The following PLA2G12A variants were observed in gnomAD, a reference collection of about 807,000 sequenced individuals.
PLA2G12A encodes the protein phospholipase A2 group XIIA, also known as group XIIA secretory phospholipase A2.
Under a neutral mutation model 16.0 loss-of-function variants are expected in PLA2G12A, and 11 were observed. The observed-to-expected ratio is 0.69, with a 90% CI of 0.43 to 1.13. PLA2G12A has a LOEUF of 1.13. Among genes scored for constraint, PLA2G12A ranks in the 50% most tolerant of loss-of-function variants. The pLI is 0.00. For missense variants in PLA2G12A, 214 were observed against 237.3 expected (o/e 0.90, Z 0.65); for synonymous variants, 77 against 93.8 (o/e 0.82, Z 1.03).
At position 109,713,168 on chromosome 4, in the gene PLA2G12A, C is replaced by G. The variant is rs1730765857; in HGVS notation, c.*1209G>C. ...TGGGTCACCCAAAGGATATATATGG[C>G]TTGAGGTCCCAGGCTAGGGAAAGGT... On this transcript the variant is annotated 3_prime_UTR_variant, in exon 4 of 4. Coordinates refer to ENST00000243501, the MANE Select transcript of PLA2G12A (RefSeq NM_030821.5). 1 of 152,166 alleles carries G rather than the reference C, an allele frequency of 6.6e-6. No individual in the cohort carries two copies. 9.4% of individuals were successfully genotyped at this position (152,166 alleles called of 1,614,324 possible).
In PLA2G12A at chr4:109,729,631, T is replaced by C; in HGVS notation, c.179A>G (p.Asp60Gly). 6.2e-7 allele frequency: 1 copy of C among 1,611,902 alleles called. No individual in the cohort carries two copies. Among genetic ancestry groups the C allele is most frequent in the Non-Finnish European group, 8.5e-7 (1 of 1,179,752 alleles). Residue 60 changes from aspartate (D) to glycine (G), a missense_variant, in exon 1 of 4, where the codon GAC becomes GGC. Transcript: ENST00000243501. Reference sequence around the variant, plus strand: ...ACTGCATTTATACTGGCAGAGACCGTCCTCGCCTCCCAGGAGGTCCAAGGC... The same window carrying C: ...ACTGCATTTATACTGGCAGAGACCGCCCTCGCCTCCCAGGAGGTCCAAGGC... ...NAALDLLGGE[D>G]GLCQYKCSDG...
rs1730770459 is a variant in PLA2G12A, at chr4:109,713,393, C to G, written c.*984G>C. On this transcript the variant is annotated 3_prime_UTR_variant, in exon 4 of 4. Transcript: ENST00000243501. ...TATCTTGCCTTTTCCATCCTTTTGG[C>G]TCTAATTAAAGGCTTTTTGAAAAGC... 2 of 152,092 alleles carry G rather than the reference C, an allele frequency of 1.3e-5. No individual in the cohort carries two copies. The highest frequency in any genetic ancestry group is 2.9e-5 in the Non-Finnish European group (2 of 68,030). The allele number at this position is 152,092 out of a possible 1,614,324, so 9.4% of individuals were successfully genotyped here.
At chr4:109,722,312 T>C (rs965049829) in intron 1 of PLA2G12A, among the ~76,000 whole-genome samples, 3 of 152,234 alleles carry the variant, frequency 2.0e-5, no homozygotes, top group Non-Finnish European at 4.4e-5. Context: ...ATGTGGATGC[T>C]CTTTCTCCTG....
intron 1 of PLA2G12A, among the ~76,000 whole-genome samples, chr4:109,727,485 C>T (rs1254454644): frequency 3.9e-5 from 6 of 152,124 alleles, no homozygotes; most frequent in East Asian, 1.9e-4. Flanking sequence ...GTCCGTTAAA[C>T]GTAGAGTACT....
chr4:109,729,814 G>A lies in PLA2G12A; in HGVS notation c.-5C>T, dbSNP rs1384230142. ...GGGGCGCGAGAGCAGGGCCATGCGC[G>A]CAGCGCCGGGCTCTACGGGTCCCCG... On this transcript the variant is annotated 5_prime_UTR_variant, in exon 1 of 4. Coordinates refer to ENST00000243501, the MANE Select transcript of PLA2G12A (RefSeq NM_030821.5). The A allele has an allele frequency of 2.6e-6, 4 of 1,546,780 alleles. No individual in the cohort carries two copies. In the African/African-American group the frequency reaches 4.1e-5, roughly 16 times the overall value.
intron 1 of PLA2G12A, among the ~76,000 whole-genome samples, chr4:109,720,628 T>A (rs1365171108): frequency 2.6e-5 from 3 of 116,794 alleles, no homozygotes; most frequent in Admixed American, 9.3e-5. Flanking sequence ...TATATATATA[T>A]ATATATATAT....
In PLA2G12A at chr4:109,711,053, CTTTTTTTTTTTT is replaced by C. The variant is rs67674001; in HGVS notation, c.*3312_*3323del. On this transcript the variant is annotated 3_prime_UTR_variant, in exon 4 of 4. Coordinates refer to ENST00000243501, the MANE Select transcript of PLA2G12A (RefSeq NM_030821.5). The stretch of plus-strand genomic sequence containing the variant: ...AGAGCTGCTGACAGTTAGTTCTTGC[CTTTTTTTTTTTT>C]TTTTTTTTTTTGCTCTTTTAATGAG... 8.9e-4 allele frequency: 51 copies of C among 57,244 alleles called. 2 individuals are homozygous for C. Among genetic ancestry groups the C allele is most frequent in the African/African-American group, 4.1e-3 (49 of 11,926 alleles). The allele number at this position is 57,244 out of a possible 1,614,324, so 3.5% of individuals were successfully genotyped here. A position where few individuals can be genotyped will look rare whatever the true frequency, so the allele number is the denominator to read the frequency against.
intron 1 of PLA2G12A, among the ~76,000 whole-genome samples, chr4:109,720,949 T>C (rs965048727): frequency 8.5e-5 from 13 of 152,100 alleles, no homozygotes. Flanking sequence ...CACATGCCTG[T>C]AATCCCAGCT....
At chr4:109,715,454 TTTTA>T (rs150366202) in intron 3 of PLA2G12A, among the ~76,000 whole-genome samples, 1,966 of 150,756 alleles carry the variant, frequency 0.013, 26 homozygotes, top group African/African-American at 0.044. Context: ...GGTAGGTTTA[TTTTA>T]TTTATTTATT....
At chr4:109,727,855 G>C (rs1722972258) in intron 1 of PLA2G12A, among the ~76,000 whole-genome samples, 1 of 152,100 alleles carries the variant, frequency 6.6e-6, no homozygotes, top group Non-Finnish European at 1.5e-5. Context: ...TAACAAGGCT[G>C]GTATTCATTC....
rs1579120534 is a variant in PLA2G12A, at chr4:109,711,078, C to CTTTTTTTTTTT, written c.*3298_*3299insAAAAAAAAAAA. 4 of 43,970 alleles carry CTTTTTTTTTTT rather than the reference C, an allele frequency of 9.1e-5. No individual in the cohort carries two copies. Among genetic ancestry groups the CTTTTTTTTTTT allele is most frequent in the African/African-American group, 3.6e-4 (4 of 11,208 alleles). 2.7% of individuals were successfully genotyped at this position (43,970 alleles called of 1,614,324 possible). A position where few individuals can be genotyped will look rare whatever the true frequency, so the allele number is the denominator to read the frequency against. On this transcript the variant is annotated 3_prime_UTR_variant, in exon 4 of 4. Coordinates refer to ENST00000243501, the MANE Select transcript of PLA2G12A (RefSeq NM_030821.5). ...CTTTTTTTTTTTTTTTTTTTTTTTG[C>CTTTTTTTTTTT]TCTTTTAATGAGTTTATTCTGTCAA...
chr4:109,725,226 C>A (rs1328712665), intron 1 of PLA2G12A, among the ~76,000 whole-genome samples: 2 of 152,148 alleles, frequency 1.3e-5, no homozygotes, highest in Non-Finnish European at 2.9e-5. Flanking sequence ...CAGCAAAAAA[C>A]TGAAAACTTG....
Position 109,730,042 on chromosome 4 carries a change from T to C in PLA2G12A, c.-233A>G, listed in dbSNP as rs376346519. ...CGCTCACCTGGACCAGCGCGCCCGC[T>C]CACCTGGGCCAGCAACCGTCCCCTG... is the stretch of plus-strand genomic sequence containing the variant. On this transcript the variant is annotated 5_prime_UTR_variant, in exon 1 of 4. Transcript: ENST00000243501. The C allele has an allele frequency of 5.4e-3, 2,429 of 447,230 alleles. 38 individuals carry two copies. Among genetic ancestry groups the C allele is most frequent in the East Asian group, 0.028 (704 of 25,122 alleles). 27.7% of individuals were successfully genotyped at this position (447,230 alleles called of 1,614,324 possible).
rs1461926467 is a variant in PLA2G12A at position 109,712,325 on chromosome 4, T to C, written c.*2052A>G. The C allele has an allele frequency of 6.6e-6, 1 of 152,198 alleles. No individual in the cohort carries two copies. Among genetic ancestry groups the C allele is most frequent in the Non-Finnish European group, 1.5e-5 (1 of 68,036 alleles). 9.4% of individuals were successfully genotyped at this position (152,198 alleles called of 1,614,324 possible). On this transcript the variant is annotated 3_prime_UTR_variant, in exon 4 of 4. Coordinates refer to ENST00000243501, the MANE Select transcript of PLA2G12A (RefSeq NM_030821.5). ...ATCTAAAATTATCCCAAGTTTTTTT[T>C]TTTAATCTGAACATAAAAAACTGTT... is the stretch of plus-strand genomic sequence containing the variant.
chr4:109,726,495 A>G (rs1722940000), intron 1 of PLA2G12A, among the ~76,000 whole-genome samples: 1 of 152,110 alleles, frequency 6.6e-6, no homozygotes, highest in African/African-American at 2.4e-5. Flanking sequence ...TACCAACCTG[A>G]GCAAAATCAC....
At chr4:109,720,530 T>G (rs1443399760) in intron 1 of PLA2G12A, among the ~76,000 whole-genome samples, 6 of 123,170 alleles carry the variant, frequency 4.9e-5, no homozygotes, top group Middle Eastern at 7.5e-3. Context: ...GAGCCCAGGT[T>G]TTTGAGACCA....
intron 1 of PLA2G12A, among the ~76,000 whole-genome samples, 177 bp from the exon 2 acceptor site, chr4:109,718,936 T>C (rs1242172980): frequency 6.6e-6 from 1 of 152,220 alleles, no homozygotes; most frequent in Non-Finnish European, 1.5e-5. Flanking sequence ...AGACTTTTTA[T>C]TTCTCCTGTG....
At chr4:109,718,805 A>C in intron 1 of PLA2G12A, 46 bp from the exon 2 acceptor site, 1 of 1,300,198 alleles carries the variant, frequency 7.7e-7, no homozygotes, top group South Asian at 1.4e-5. Context: ...ATATGATAAA[A>C]GTAAAATACA....
chr4:109,726,094 C>T (rs1279864492), intron 1 of PLA2G12A, among the ~76,000 whole-genome samples: 5 of 152,150 alleles, frequency 3.3e-5, no homozygotes, highest in Admixed American at 1.3e-4. Context: ...AGCACCAGTG[C>T]TCATATCCTC....
Sources: gnomAD v4.1 joint callset for allele counts (sites outside exome capture counted in the v4.1 genomes callset) on GRCh38, gnomAD v4.1.1 for gene constraint, MANE v1.5 for transcripts, NCBI Gene and HGNC (gene_info 2026-07-23, HGNC 2026-07-21) for gene names.